CSMD1: variants seen among roughly 807,000 people sequenced by gnomAD.
The protein encoded by CSMD1 is CUB and Sushi multiple domains 1, also known as CUB and sushi domain-containing protein 1.
In CSMD1, 213 loss-of-function variants were observed where a neutral mutation model predicts 417.5. The ratio of observed to expected loss-of-function variants is 0.51; its 90% confidence interval spans 0.46 to 0.57. CSMD1 has a LOEUF of 0.57. Among genes scored for constraint, CSMD1 ranks in the 20% least tolerant of loss-of-function variants. The pLI, the probability that CSMD1 is intolerant of heterozygous loss-of-function variation, is 0.00. For missense variants in CSMD1, 6,923 were observed against 4,529.7 expected (o/e 1.53, Z -15.17); for synonymous variants, 2,862 against 1,736.8 (o/e 1.65, Z -16.11).
intron 26 of CSMD1, among the ~76,000 whole-genome samples, chr8:3,253,334 T>C (rs369803979): frequency 2.0e-5 from 3 of 152,086 alleles, no homozygotes; most frequent in African/African-American, 7.2e-5. Context: ...TGTAGTTGAG[T>C]GGTTTTGAGT....
At chr8:3,170,383 T>C (rs932169986) in intron 37 of CSMD1, among the ~76,000 whole-genome samples, 1 of 152,248 alleles carries the variant, frequency 6.6e-6, no homozygotes, top group Non-Finnish European at 1.5e-5. Context: ...AATTGTTTTG[T>C]ATTTTTAGTA....
intron 3 of CSMD1, among the ~76,000 whole-genome samples, chr8:4,190,812 G>A (rs941058211): frequency 1.3e-5 from 2 of 152,122 alleles, no homozygotes; most frequent in Non-Finnish European, 2.9e-5. Flanking sequence ...CATGGATGGA[G>A]CTGGGGGCCA....
At chr8:3,159,067 A>C (rs1465302170) in intron 38 of CSMD1, among the ~76,000 whole-genome samples, 2 of 152,212 alleles carry the variant, frequency 1.3e-5, no homozygotes, top group Non-Finnish European at 2.9e-5. Context: ...AAGATACTCC[A>C]GGTAATTTTG....
At chr8:3,608,001 C>T (rs778339022) in intron 8 of CSMD1, among the ~76,000 whole-genome samples, 2 of 152,018 alleles carry the variant, frequency 1.3e-5, no homozygotes, top group Non-Finnish European at 2.9e-5. Flanking sequence ...AAAACCCTGT[C>T]TCTACTAAAA....
chr8:3,167,291 G>GGAA (rs1554447976), intron 37 of CSMD1, among the ~76,000 whole-genome samples: 5 of 102,646 alleles, frequency 4.9e-5, no homozygotes, highest in South Asian at 3.2e-4. Context: ...CTTGGAAAAA[G>GGAA]AAAAAAAAAA....
chr8:4,924,371 T>G (rs932446816), intron 1 of CSMD1, among the ~76,000 whole-genome samples: 8 of 152,208 alleles, frequency 5.3e-5, no homozygotes, highest in African/African-American at 1.9e-4. Context: ...TCTATTTTTA[T>G]TGAATTAAAA....
At chr8:3,713,732 C>G (rs1320803689) in intron 6 of CSMD1, among the ~76,000 whole-genome samples, 1 of 152,158 alleles carries the variant, frequency 6.6e-6, no homozygotes, top group African/African-American at 2.4e-5. Flanking sequence ...GTAACGTACT[C>G]AATATGAGGA....
At chr8:2,994,145 C>CAAAAAAAAAAAAAAAAAAAA (rs35438493) in intron 54 of CSMD1, among the ~76,000 whole-genome samples, 9 of 30,520 alleles carry the variant, frequency 2.9e-4, no homozygotes, top group African/African-American at 7.1e-4. Flanking sequence ...AACTCCATCT[C>CAAAAAAAAAAAAAAAAAAAA]AAAAAAAAAA....
At chr8:4,330,480 C>G (rs1166916639) in intron 3 of CSMD1, among the ~76,000 whole-genome samples, 1 of 151,618 alleles carries the variant, frequency 6.6e-6, no homozygotes, top group Non-Finnish European at 1.5e-5. Context: ...AACCCAGCTA[C>G]TTAGGAGGCT....
intron 5 of CSMD1, among the ~76,000 whole-genome samples, chr8:3,820,015 A>T (rs1350574369): frequency 1.3e-5 from 2 of 152,174 alleles, no homozygotes; most frequent in Non-Finnish European, 2.9e-5. Context: ...CCACTTGAAC[A>T]TCACAGTCAT....
At chr8:4,955,845 A>T (rs1809070487) in intron 1 of CSMD1, among the ~76,000 whole-genome samples, 1 of 146,518 alleles carries the variant, frequency 6.8e-6, no homozygotes, top group East Asian at 2.1e-4. Flanking sequence ...AAATTGGCAA[A>T]CACTGCCAAT....
At chr8:4,596,170 A>C (rs1196023056) in intron 2 of CSMD1, among the ~76,000 whole-genome samples, 1 of 152,286 alleles carries the variant, frequency 6.6e-6, no homozygotes, top group South Asian at 2.1e-4. Flanking sequence ...GTCTGGAATA[A>C]TATATACCCA....
At chr8:3,506,634 G>A (rs1180924440) in intron 10 of CSMD1, among the ~76,000 whole-genome samples, 2 of 151,968 alleles carry the variant, frequency 1.3e-5, no homozygotes, top group Non-Finnish European at 1.5e-5. Flanking sequence ...TTTTTCTTAG[G>A]AAAACTTACA....
chr8:3,648,613 C>G (rs777450472), intron 7 of CSMD1, among the ~76,000 whole-genome samples: 1 of 152,138 alleles, frequency 6.6e-6, no homozygotes, highest in East Asian at 1.9e-4. Context: ...ATGACTTTCC[C>G]AAGAACGAGT....
chr8:4,031,350 G>A lies in CSMD1; in HGVS notation c.610+555C>T, dbSNP rs137995418. Among the ~76,000 whole-genome samples the A allele has an allele frequency of 4.2e-3, 634 of 152,310 alleles. 4 individuals carry two copies. The highest frequency in any genetic ancestry group is 0.014 in the African/African-American group (600 of 41,562). On this transcript the variant is annotated intron_variant, in intron 4 of 69. Coordinates refer to ENST00000635120, the MANE Select transcript of CSMD1 (RefSeq NM_033225.6). ...TCACAATCATAGCAGAAGGCAAGGA[G>A]GAGCACATCACGTCTTACATGCATG...
chr8:3,250,021 T>C (rs1040772746), intron 26 of CSMD1, among the ~76,000 whole-genome samples: 1 of 152,264 alleles, frequency 6.6e-6, no homozygotes, highest in Non-Finnish European at 1.5e-5. Context: ...GGTAGCATGG[T>C]ATAAAGCAGA....
intron 12 of CSMD1, among the ~76,000 whole-genome samples, chr8:3,450,145 C>T (rs552211561): frequency 1.8e-4 from 27 of 152,262 alleles, no homozygotes; most frequent in African/African-American, 4.1e-4. Flanking sequence ...GCTTCGATGA[C>T]GAACGTTGAC....
At chr8:3,327,864 T>C (rs933224769) in intron 23 of CSMD1, among the ~76,000 whole-genome samples, 1 of 152,220 alleles carries the variant, frequency 6.6e-6, no homozygotes, top group Non-Finnish European at 1.5e-5. Flanking sequence ...CCCTGTGTCC[T>C]TCTGTTGGTC....
intron 2 of CSMD1, among the ~76,000 whole-genome samples, chr8:4,551,662 G>C (rs1460808902): frequency 6.6e-6 from 1 of 151,814 alleles, no homozygotes; most frequent in Admixed American, 6.6e-5. Flanking sequence ...ACACTTCTCA[G>C]GATCAATTTA....
Sources: gnomAD v4.1 joint callset for allele counts (sites outside exome capture counted in the v4.1 genomes callset) on GRCh38, gnomAD v4.1.1 for gene constraint, MANE v1.5 for transcripts, NCBI Gene and HGNC (gene_info 2026-07-23, HGNC 2026-07-21) for gene names.